ZNF646: variants seen among roughly 807,000 people sequenced by gnomAD.
ZNF646 encodes zinc finger protein 646.
Under a neutral mutation model 115.4 loss-of-function variants are expected in ZNF646, and 49 were observed. The ratio of observed to expected loss-of-function variants is 0.42; its 90% CI spans 0.34 to 0.54. The LOEUF (loss-of-function observed/expected upper bound fraction) is 0.54. ZNF646 is among the 20% of genes least tolerant of loss of function. ZNF646 has a pLI of 0.04. For missense variants in ZNF646, 2,269 were observed against 2,457.9 expected (o/e 0.92, Z 1.62); for synonymous variants, 933 against 939.0 (o/e 0.99, Z 0.12).
In ZNF646 at chr16:31,083,936, A is replaced by G. The variant is rs1555500405; in HGVS notation, c.*844A>G. ...TGACAGATGAGAATACTGAGGCTCA[A>G]AGCGGTTGAGCAGCCTGCTCCAAGT... On this transcript the variant is annotated 3_prime_UTR_variant, in exon 3 of 3. Transcript: ENST00000300850. 1 of 1,538,810 alleles carries G rather than the reference A, an allele frequency of 6.5e-7. No homozygotes were observed. The highest frequency in any genetic ancestry group is 8.8e-7 in the Non-Finnish European group (1 of 1,139,904).
Position 31,083,180 on chromosome 16 carries a change from G to A in ZNF646, c.*88G>A, listed in dbSNP as rs2057187901. On this transcript the variant is annotated 3_prime_UTR_variant, in exon 3 of 3. Transcript: ENST00000300850. ...CCACATTTTCTCAGGAGTAGTTCGG[G>A]CATCCCCATATCTTCTCCTCTCCCC... is the stretch of plus-strand genomic sequence containing the variant. 7 of 1,515,014 alleles carry A rather than the reference G, an allele frequency of 4.6e-6. No individual in the cohort carries two copies. Among genetic ancestry groups the A allele is most frequent in the African/African-American group, 1.4e-5 (1 of 70,792 alleles). 93.8% of individuals were successfully genotyped at this position (1,515,014 alleles called of 1,614,324 possible).
chr16:31,082,928 G>C, intron 2 of ZNF646, 43 bp from the exon 3 acceptor site: 1 of 1,551,704 alleles, frequency 6.4e-7, no homozygotes, highest in Non-Finnish European at 8.7e-7. Context: ...CGCTGTGCGG[G>C]GTCTGCCCCT....
At chr16:31,075,649 C>A (rs986356392) in intron 1 of ZNF646, among the ~76,000 whole-genome samples, 3 of 152,050 alleles carry the variant, frequency 2.0e-5, no homozygotes, top group African/African-American at 7.3e-5. Context: ...GGAAAAGAGA[C>A]CTTGTGACAC....
In ZNF646 at chr16:31,077,761, C is replaced by T; in HGVS notation, c.1437C>T (p.Ser479=). ...ECGRAYRHRG[S]LVNHRHSHRT... ...GTCGTGCTTACCGCCACCGGGGGAG[C>T]CTGGTGAACCATCGCCACAGCCATC... The change falls in exon 2 of 3, where the codon AGC becomes AGT. Residue 479 remains serine (S), a synonymous_variant. Transcript: ENST00000300850. 2 of 1,614,004 alleles carry T rather than the reference C, an allele frequency of 1.2e-6. No individual in the cohort carries two copies. Among genetic ancestry groups the T allele is most frequent in the Non-Finnish European group, 1.7e-6 (2 of 1,180,020 alleles).
rs72785532 is a variant in ZNF646, at chr16:31,078,211, A to T, written c.1887A>T (p.Ser629=). ...CRDCGKSYRH[S]GSLINHRQTH... is the part of the protein sequence containing the mutation. ...ACTGTGGAAAGAGCTATCGCCACTC[A>T]GGCAGCCTTATCAACCACAGGCAGA... Residue 629 remains serine (S), a synonymous_variant, in exon 2 of 3, where the codon TCA becomes TCT. Coordinates refer to ENST00000300850, the MANE Select transcript of ZNF646 (RefSeq NM_014699.4). The T allele has an allele frequency of 3.0e-3, 4,905 of 1,614,076 alleles. 17 individuals are homozygous for T. Among genetic ancestry groups the T allele is most frequent in the Non-Finnish European group, 3.7e-3 (4,418 of 1,180,038 alleles).
Position 31,083,901 on chromosome 16 carries a change from T to C in ZNF646, c.*809T>C. On this transcript the variant is annotated 3_prime_UTR_variant, in exon 3 of 3. Coordinates refer to ENST00000300850, the MANE Select transcript of ZNF646 (RefSeq NM_014699.4). ...ATTCCTCGAAGGAACAGGGTCTGTCTTGGCCGCCATGACAGATGAGAATAC... is the reference window on the plus strand; with the variant it reads ...ATTCCTCGAAGGAACAGGGTCTGTCCTGGCCGCCATGACAGATGAGAATAC... 1 of 1,584,508 alleles carries C rather than the reference T, an allele frequency of 6.3e-7. No homozygotes were observed. Among genetic ancestry groups the C allele is most frequent in the Non-Finnish European group, 8.6e-7 (1 of 1,164,096 alleles).
Position 31,077,527 on chromosome 16 carries a change from C to T in ZNF646, c.1203C>T (p.Tyr401=), listed in dbSNP as rs1406061223. ...GAAAGAGCCACCAGACAGGTGTCTA[C>T]CCCTGCTCACTCTGTTCTAAGCAGC... is the stretch of plus-strand genomic sequence containing the variant. ...NHRKSHQTGV[Y]PCSLCSKQLF... is the part of the protein sequence containing the mutation. The change falls in exon 2 of 3, where the codon TAC becomes TAT. Residue 401 remains tyrosine, a synonymous_variant. Coordinates refer to ENST00000300850, the MANE Select transcript of ZNF646 (RefSeq NM_014699.4). 2 of 1,613,396 alleles carry T rather than the reference C, an allele frequency of 1.2e-6. No individual in the cohort carries two copies. Among genetic ancestry groups the T allele is most frequent in the Admixed American group, 3.3e-5 (2 of 59,978 alleles).
At chr16:31,073,369 C>CA (rs1004678116), upstream of ZNF646, 9 of 152,280 alleles carry the variant, frequency 5.9e-5, no homozygotes, top group Non-Finnish European at 8.8e-5. Context: ...GACAAAAACC[C>CA]AAAACATGGC....
At chr16:31,075,801 G>T (rs1406959204) in intron 1 of ZNF646, 1 of 152,478 alleles carries the variant, frequency 6.6e-6, no homozygotes, top group Non-Finnish European at 1.5e-5. Flanking sequence ...TTAGCTGAGA[G>T]ATGAAGTAGG....
intron 2 of ZNF646, 86 bp downstream of exon 2, chr16:31,081,787 TGA>T (rs764648520): frequency 4.3e-5 from 63 of 1,456,364 alleles, no homozygotes; most frequent in Non-Finnish European, 5.6e-5. Context: ...GAGCAAGGAG[TGA>T]GAGGAGAGAG....
rs957962306 is a variant in ZNF646, at chr16:31,079,438, C to T, written c.3114C>T (p.Ile1038=). ...AGTPLGDSLC[I]QGGESLLEAQ... ...CCCCCTTGGGAGACAGCCTCTGCAT[C>T]CAGGGTGGGGAAAGTTTGTTGGAGG... Residue 1038 remains isoleucine, a synonymous_variant, in exon 2 of 3, where the codon ATC becomes ATT. Transcript: ENST00000300850. The surrounding 1 kb of genome is among the most constrained non-coding windows in gnomAD (Gnocchi z 5.5). 6.2e-7 allele frequency: 1 copy of T among 1,613,874 alleles called. No homozygotes were observed. The highest frequency in any genetic ancestry group is 8.5e-7 in the Non-Finnish European group (1 of 1,179,974).
chr16:31,079,340 A>G lies in ZNF646; in HGVS notation c.3016A>G (p.Ser1006Gly), dbSNP rs1449075528. Reference protein sequence around the residue: ...AGDAMEMVVDSVLEDIVNSVS... With the variant: ...AGDAMEMVVDGVLEDIVNSVS... ...TGATGCCATGGAGATGGTCGTGGAC[A>G]GTGTCTTGGAGGACATAGTGAATTC... The change falls in exon 2 of 3, where the codon AGT (serine) becomes GGT (glycine). Residue 1006 changes from serine (S) to glycine (G), a missense_variant. This residue lies in a region of ZNF646 where 1,062 missense variants were observed against 1,172.8 expected (regional missense o/e 0.91). Coordinates refer to ENST00000300850, the MANE Select transcript of ZNF646 (RefSeq NM_014699.4). The surrounding 1 kb of genome is among the most constrained non-coding windows in gnomAD (Gnocchi z 5.5). 7.4e-6 allele frequency: 12 copies of G among 1,613,784 alleles called. No homozygotes were observed. The highest frequency in any genetic ancestry group is 1.0e-5 in the Non-Finnish European group (12 of 1,179,898).
rs775684627 is a variant in ZNF646 at position 31,076,349 on chromosome 16, A to T, written c.25A>T (p.Ser9Cys). 2 of 1,612,430 alleles carry T rather than the reference A, an allele frequency of 1.2e-6. No homozygotes were observed. The highest frequency in any genetic ancestry group is 1.1e-5 in the South Asian group (1 of 91,010). ...CATGGAGGACACACCCCCCTCACTC[A>T]GCTGCTCCGACTGTCAGCGCCACTT... is the stretch of plus-strand genomic sequence containing the variant. MEDTPPSL[S>C]CSDCQRHFPS... The change falls in exon 2 of 3, where the codon AGC becomes TGC. Residue 9 changes from serine (S) to cysteine (C), a missense_variant. Coordinates refer to ENST00000300850, the MANE Select transcript of ZNF646 (RefSeq NM_014699.4).
At position 31,077,198 on chromosome 16, in the gene ZNF646, C is replaced by G; in HGVS notation, c.874C>G (p.Arg292Gly). 6.2e-7 allele frequency: 1 copy of G among 1,614,190 alleles called. No homozygotes were observed. The highest frequency in any genetic ancestry group is 8.5e-7 in the Non-Finnish European group (1 of 1,180,014). The change falls in exon 2 of 3, where the codon CGG becomes GGG. Residue 292 changes from arginine to glycine, a missense_variant. This residue lies in a region of ZNF646 where 852 missense variants were observed against 900.2 expected (regional missense o/e 0.95). Coordinates refer to ENST00000300850, the MANE Select transcript of ZNF646 (RefSeq NM_014699.4). Reference protein sequence around the residue: ...KNHSRLHAQYRPYHCPHCPRV... With the variant: ...KNHSRLHAQYGPYHCPHCPRV... ...CCACTCTCGACTGCATGCCCAGTAT[C>G]GGCCTTACCACTGTCCCCACTGCCC...
chr16:31,082,957 C>T lies in ZNF646; in HGVS notation c.5378-14C>T, dbSNP rs1170388495. Reference sequence around the variant, plus strand: ...TGCCCCTCAGTTGGTGACCTCCTCTCTCTCTCCCCCCAGGAGCCCCAGTGG... The same window carrying T: ...TGCCCCTCAGTTGGTGACCTCCTCTTTCTCTCCCCCCAGGAGCCCCAGTGG... On this transcript the variant is annotated splice_polypyrimidine_tract_variant and intron_variant, in intron 2 of 2. Coordinates refer to ENST00000300850, the MANE Select transcript of ZNF646 (RefSeq NM_014699.4). 6.4e-7 allele frequency: 1 copy of T among 1,571,210 alleles called. No homozygotes were observed. The highest frequency in any genetic ancestry group is 8.6e-7 in the Non-Finnish European group (1 of 1,157,454).
rs769275937 is a variant in ZNF646 at position 31,081,579 on chromosome 16, G to A, written c.5255G>A (p.Arg1752Gln). 142 of 1,613,114 alleles carry A rather than the reference G, an allele frequency of 8.8e-5. 1 individual carries two copies. Among genetic ancestry groups the A allele is most frequent in the African/African-American group, 2.7e-5 (2 of 74,942 alleles). The part of the protein sequence containing the change: ...RTAARLEGHG[R>Q]VHAPREGPFT... ...GCTGCCCGGCTGGAGGGCCACGGGC[G>A]GGTCCATGCACCCCGGGAGGGGCCT... The change falls in exon 2 of 3, where the codon CGG becomes CAG. Residue 1752 changes from arginine (R) to glutamine (Q), a missense_variant. Arg to Gln is a conservative substitution (Grantham distance 43, BLOSUM62 1). This residue lies in a region of ZNF646 where 1,062 missense variants were observed against 1,172.8 expected (regional missense o/e 0.91). Transcript: ENST00000300850.
At position 31,078,414 on chromosome 16, in the gene ZNF646, G is replaced by A. The variant is rs148282946; in HGVS notation, c.2090G>A (p.Arg697Gln). 1.4e-4 allele frequency: 221 copies of A among 1,609,104 alleles called. No homozygotes were observed. In the African/African-American group the frequency reaches 2.3e-3, roughly 17 times the overall value. Residue 697 changes from arginine (R) to glutamine (Q), a missense_variant, in exon 2 of 3, where the codon CGG becomes CAG. Coordinates refer to ENST00000300850, the MANE Select transcript of ZNF646 (RefSeq NM_014699.4). ...AKLLAAESWT[R>Q]ELEDNEGLES... is the part of the protein sequence containing the mutation. The stretch of plus-strand genomic sequence containing the variant: ...CTCCTGGCAGCGGAGAGCTGGACCC[G>A]GGAGCTAGAAGACAATGAAGGCCTG...
In ZNF646 at chr16:31,080,619, G is replaced by C; in HGVS notation, c.4295G>C (p.Gly1432Ala). The C allele has an allele frequency of 6.2e-7, 1 of 1,614,166 alleles. No homozygotes were observed. The highest frequency in any genetic ancestry group is 1.1e-5 in the South Asian group (1 of 91,084). ...GAEPVPHLED[G>A]VPRPGERSQS... Reference sequence around the variant, plus strand: ...GAGCCAGTACCCCACTTGGAGGATGGAGTCCCAAGGCCAGGGGAGCGCAGT... The same window carrying C: ...GAGCCAGTACCCCACTTGGAGGATGCAGTCCCAAGGCCAGGGGAGCGCAGT... The change falls in exon 2 of 3, where the codon GGA (glycine) becomes GCA (alanine). Residue 1432 changes from glycine to alanine, a missense_variant. Around this residue, in one of 5 missense-constraint regions of ZNF646, gnomAD observed 1,062 missense variants for 1,172.8 expected, o/e 0.91. Coordinates refer to ENST00000300850, the MANE Select transcript of ZNF646 (RefSeq NM_014699.4).
Position 31,080,791 on chromosome 16 carries a change from A to G in ZNF646, c.4467A>G (p.Pro1489=), listed in dbSNP as rs202133136. The change falls in exon 2 of 3, where the codon CCA becomes CCG. Residue 1489 remains proline, a synonymous_variant. Coordinates refer to ENST00000300850, the MANE Select transcript of ZNF646 (RefSeq NM_014699.4). The part of the protein sequence containing the change: ...VPQFLTRSEE[P]EDSVHRSPCH... ...AGTTCCTAACTAGGTCAGAGGAGCC[A>G]GAGGACAGTGTCCACAGGAGTCCTT... 3.7e-6 allele frequency: 6 copies of G among 1,613,968 alleles called. No individual in the cohort carries two copies. Among genetic ancestry groups the G allele is most frequent in the Non-Finnish European group, 5.1e-6 (6 of 1,180,000 alleles).
Sources: gnomAD v4.1 joint callset for allele counts (sites outside exome capture counted in the v4.1 genomes callset) on GRCh38, gnomAD v4.1.1 for gene constraint, gnomAD v4.1.1 regional missense constraint, Gnocchi (gnomAD v3.1) non-coding constraint, MANE v1.5 for transcripts, NCBI Gene and HGNC (gene_info 2026-07-23, HGNC 2026-07-21) for gene names.